The following SEPTIN6 variants were observed in gnomAD, a reference collection of about 807,000 sequenced individuals.
The protein encoded by SEPTIN6 is septin 6.
A neutral mutation model predicts 33.6 loss-of-function variants in SEPTIN6; 8 were observed. The observed-to-expected ratio is 0.24, with a 90% CI of 0.14 to 0.43. The LOEUF is 0.43. SEPTIN6 is among the 20% of genes least tolerant of loss of function. The probability of loss-of-function intolerance (pLI) is 1.00; values close to 1 mark genes in which losing one functional copy is unlikely to be tolerated. For synonymous variants in SEPTIN6, 131 were observed against 140.0 expected (o/e 0.94, Z 0.45); for missense variants, 250 against 340.8 (o/e 0.73, Z 2.10).
At chrX:119,644,456 A>G (rs2054209356) in intron 5 of SEPTIN6, among the ~76,000 whole-genome samples, 1 of 111,738 alleles carries the variant, frequency 8.9e-6, no homozygotes, top group South Asian at 3.8e-4. Flanking sequence ...GGGAGGTCCA[A>G]GATCAAGGCA....
intron 5 of SEPTIN6, among the ~76,000 whole-genome samples, chrX:119,648,642 G>A (rs982180828): frequency 9.0e-6 from 1 of 111,637 alleles, no homozygotes; most frequent in African/African-American, 3.3e-5. Flanking sequence ...AACACATCTC[G>A]GGTGTACTGA....
chrX:119,667,446 G>A (rs1315812572), intron 2 of SEPTIN6, among the ~76,000 whole-genome samples: 1 of 111,462 alleles, frequency 9.0e-6, no homozygotes, highest in African/African-American at 3.3e-5. Flanking sequence ...GAAATTAGAT[G>A]CCAAATAATG....
chrX:119,649,516 A>G (rs959054670), intron 5 of SEPTIN6, among the ~76,000 whole-genome samples: 4 of 108,153 alleles, frequency 3.7e-5, no homozygotes, highest in African/African-American at 1.0e-4. Context: ...TAAAAGAAAA[A>G]AAGAGTTGAC....
At chrX:119,651,834 C>G (rs2054356807) in intron 4 of SEPTIN6, among the ~76,000 whole-genome samples, 2 of 112,492 alleles carry the variant, frequency 1.8e-5, no homozygotes, top group South Asian at 7.3e-4. Context: ...GGGCCATGAG[C>G]CTATTGCTGC....
chrX:119,663,236 A>G (rs1387061130), intron 3 of SEPTIN6, among the ~76,000 whole-genome samples: 2 of 111,817 alleles, frequency 1.8e-5, no homozygotes, highest in Non-Finnish European at 3.8e-5. Context: ...CATGGAATTG[A>G]GACCTGACCC....
intron 3 of SEPTIN6, among the ~76,000 whole-genome samples, chrX:119,660,307 T>C (rs1188444760): frequency 8.9e-6 from 1 of 112,650 alleles, no homozygotes; most frequent in East Asian, 2.8e-4. Flanking sequence ...GACATATCTA[T>C]GCTAACATGG....
At position 119,693,125 on chromosome X, in the gene SEPTIN6, G is replaced by A. The variant is rs779188655; in HGVS notation, c.-20C>T. 8.6e-7 allele frequency: 1 copy of A among 1,167,780 alleles called. No individual in the cohort carries two copies. The highest frequency in any genetic ancestry group is 1.9e-5 in the South Asian group (1 of 52,829). On this transcript the variant is annotated 5_prime_UTR_variant, in exon 1 of 11. Transcript: ENST00000394610. ...TGCCATCGCTCCTGCGTCCGCCAGG[G>A]CTGCCACGGGTGCCGCCGCAACGGG...
At position 119,627,791 on chromosome X, in the gene SEPTIN6, C is replaced by CTTT. The variant is rs973249197; in HGVS notation, c.1280+1524_1280+1526dup. On this transcript the variant is annotated intron_variant, in intron 9 of 10. Coordinates refer to ENST00000394610, the MANE Select transcript of SEPTIN6 (RefSeq NM_145799.4). ...CTTCCACTATCCTGTATCTGCACTT[C>CTTT]TTTTTTTTTTTTTTTTTTTTTTTTT... 1.2e-3 allele frequency among the ~76,000 whole-genome samples: 85 copies of CTTT among 73,668 alleles called. 6 individuals are homozygous for CTTT. The highest frequency in any genetic ancestry group is 3.3e-3 in the African/African-American group (66 of 20,114). The allele number at this position is 73,668 out of a possible 115,157, so 64.0% of individuals were successfully genotyped here. A position where few individuals can be genotyped will look rare whatever the true frequency, so the allele number is the denominator to read the frequency against.
chrX:119,684,977 A>G (rs1378591601), intron 1 of SEPTIN6, among the ~76,000 whole-genome samples: 1 of 112,040 alleles, frequency 8.9e-6, no homozygotes, highest in Admixed American at 9.5e-5. Flanking sequence ...AGCACCCCCA[A>G]GGGGCCTCAG....
At chrX:119,668,902 A>T (rs1241278314) in intron 2 of SEPTIN6, among the ~76,000 whole-genome samples, 1 of 111,352 alleles carries the variant, frequency 9.0e-6, no homozygotes, top group Non-Finnish European at 1.9e-5. Flanking sequence ...GTATACACTG[A>T]ACCCAATTTG....
chrX:119,648,421 C>T (rs1193876190), intron 5 of SEPTIN6, among the ~76,000 whole-genome samples: 1 of 111,569 alleles, frequency 9.0e-6, no homozygotes, highest in Non-Finnish European at 1.9e-5. Context: ...ACACTTCTCG[C>T]GAGGCTCCCG....
Position 119,640,747 on chromosome X carries a change from C to T in SEPTIN6, c.732G>A (p.Leu244=), listed in dbSNP as rs374648616. 1.7e-6 allele frequency: 2 copies of T among 1,211,569 alleles called. No individual in the cohort carries two copies. The highest frequency in any genetic ancestry group is 2.2e-6 in the Non-Finnish European group (2 of 895,302). ...PFAVIGSTEE[L]KIGNKMMRAR... ...CCCTCATCATCTTGTTGCCTATCTTCAGTTCTTCTGTGCTGCCAATGACAG... is the reference window on the plus strand; with the variant it reads ...CCCTCATCATCTTGTTGCCTATCTTTAGTTCTTCTGTGCTGCCAATGACAG... The change falls in exon 6 of 11, where the codon CTG becomes CTA. Residue 244 remains leucine (L), a synonymous_variant. Transcript: ENST00000394610.
chrX:119,683,940 CTT>C (rs533602254), intron 1 of SEPTIN6, among the ~76,000 whole-genome samples: 3,731 of 94,171 alleles, frequency 0.04, 77 homozygotes, highest in Middle Eastern at 0.097. Flanking sequence ...ATTATAACTT[CTT>C]TTTTTTTTTT....
chrX:119,628,504 CTTTTTT>C (rs766806075), intron 9 of SEPTIN6, among the ~76,000 whole-genome samples: 1 of 78,386 alleles, frequency 1.3e-5, no homozygotes. Flanking sequence ...GTCTTGAACT[CTTTTTT>C]TTTTTTTTTT....
intron 3 of SEPTIN6, among the ~76,000 whole-genome samples, chrX:119,656,799 T>C (rs1401006693): frequency 1.8e-5 from 2 of 111,375 alleles, no homozygotes; most frequent in Admixed American, 9.5e-5. Flanking sequence ...GGCAGGAGAA[T>C]TGCTTGAACC....
At chrX:119,644,907 A>AT (rs567544320) in intron 5 of SEPTIN6, among the ~76,000 whole-genome samples, 3,935 of 96,052 alleles carry the variant, frequency 0.041, 71 homozygotes, top group South Asian at 0.069. Flanking sequence ...GCCCAATCAC[A>AT]TTTTTTTTTT....
chrX:119,644,147 G>C (rs2054202541), intron 5 of SEPTIN6, among the ~76,000 whole-genome samples: 1 of 111,740 alleles, frequency 8.9e-6, no homozygotes, highest in African/African-American at 3.3e-5. Context: ...ACCCAGGGAA[G>C]AGACTCTGAT....
rs1488826127 is a variant in SEPTIN6 at position 119,617,269 on chromosome X, G to C, written c.*2824C>G. The C allele has an allele frequency of 3.7e-6, 3 of 800,900 alleles. No individual in the cohort carries two copies. The African/African-American group carries it at 6.6e-5, about 18-fold the overall frequency. The allele number at this position is 800,900 out of a possible 1,213,427, so 66.0% of individuals were successfully genotyped here. ...ATTTTTTTTTTAAATAGTAACAGTTGTACTAATTTAAAAGCCTTTTCATTG... is the reference window on the plus strand; with the variant it reads ...ATTTTTTTTTTAAATAGTAACAGTTCTACTAATTTAAAAGCCTTTTCATTG... On this transcript the variant is annotated 3_prime_UTR_variant, in exon 11 of 11. Transcript: ENST00000394610.
In SEPTIN6 at chrX:119,617,716, T is replaced by G; in HGVS notation, c.*2377A>C. 1.3e-6 allele frequency: 1 copy of G among 787,767 alleles called. No homozygotes were observed. The highest frequency in any genetic ancestry group is 1.5e-6 in the Non-Finnish European group (1 of 653,410). 64.9% of individuals were successfully genotyped at this position (787,767 alleles called of 1,213,427 possible). ...GAGTCAGGAGGCATGAAAATTAGTCTGGCTTCTGCCTCGAAACAGAAGTGG... is the reference window on the plus strand; with the variant it reads ...GAGTCAGGAGGCATGAAAATTAGTCGGGCTTCTGCCTCGAAACAGAAGTGG... On this transcript the variant is annotated 3_prime_UTR_variant, in exon 11 of 11. Coordinates refer to ENST00000394610, the MANE Select transcript of SEPTIN6 (RefSeq NM_145799.4).
Sources: allele counts gnomAD v4.1 joint callset (sites outside exome capture counted in the v4.1 genomes callset), GRCh38; gene constraint gnomAD v4.1.1; transcripts MANE v1.5; gene names NCBI Gene and HGNC (gene_info 2026-07-23, HGNC 2026-07-21).